The following DLGAP2 variants were observed in gnomAD, a reference collection of about 807,000 sequenced individuals.
DLGAP2 encodes the protein disks large-associated protein 2.
DLGAP2 carries 26 observed loss-of-function variants against 100.3 expected under a neutral mutation model. That is an observed-to-expected ratio of 0.26 (90% CI 0.19 to 0.36). The LOEUF (loss-of-function observed/expected upper bound fraction) is 0.36, where lower values mean the gene tolerates loss of function less well. Among genes scored for constraint, DLGAP2 ranks in the 10% least tolerant of loss-of-function variants. DLGAP2 has a pLI of 1.00. For missense variants in DLGAP2, 1,858 were observed against 1,453.2 expected (o/e 1.28, Z -4.53); for synonymous variants, 886 against 630.1 (o/e 1.41, Z -6.08).
chr8:866,348 G>C (rs980941961), intron 1 of DLGAP2, among the ~76,000 whole-genome samples: 2 of 152,310 alleles, frequency 1.3e-5, no homozygotes, highest in Admixed American at 6.5e-5. Context: ...GCTCTGTGTT[G>C]GAAGTCAGTG....
intron 1 of DLGAP2, among the ~76,000 whole-genome samples, chr8:809,150 C>G (rs1585887199): frequency 6.6e-6 from 1 of 152,130 alleles, no homozygotes; most frequent in African/African-American, 2.4e-5. Context: ...AGTGATCTGC[C>G]TGCCTTGGCC....
At chr8:1,472,027 A>G (rs1213009315) in intron 3 of DLGAP2, among the ~76,000 whole-genome samples, 1 of 152,264 alleles carries the variant, frequency 6.6e-6, no homozygotes, top group African/African-American at 2.4e-5. Flanking sequence ...CGTTAAGGAT[A>G]AAGCAGTGAG....
At chr8:1,317,497 G>C (rs1800785868) in intron 3 of DLGAP2, among the ~76,000 whole-genome samples, 1 of 141,520 alleles carries the variant, frequency 7.1e-6, no homozygotes, top group East Asian at 2.2e-4. Context: ...GTCTACACTC[G>C]AGACACTTGG....
intron 1 of DLGAP2, among the ~76,000 whole-genome samples, chr8:770,353 G>A (rs1277972467): frequency 6.6e-6 from 1 of 152,168 alleles, no homozygotes; most frequent in Non-Finnish European, 1.5e-5. Context: ...GGAGCACAGT[G>A]CCCTTCTGGG....
intron 9 of DLGAP2, 54 bp from the exon 10 acceptor site, chr8:1,669,689 G>C (rs955739780): frequency 1.3e-6 from 1 of 780,430 alleles, no homozygotes; most frequent in African/African-American, 1.7e-5. Context: ...GCCGCCCGCT[G>C]GTCCAGGGCC....
chr8:1,236,215 GCCGTGTCTAGTTCTCTCACATGGCA>G (rs1798649817), intron 2 of DLGAP2, among the ~76,000 whole-genome samples: 2 of 90,758 alleles, frequency 2.2e-5, no homozygotes, highest in African/African-American at 4.6e-5. Context: ...CTCACATGGC[GCCGTGTCTAGTTCTCTCACATGGCA>G]CCATGTCTAG....
intron 2 of DLGAP2, among the ~76,000 whole-genome samples, chr8:983,527 A>G (rs1031121965): frequency 3.3e-5 from 5 of 152,200 alleles, no homozygotes; most frequent in African/African-American, 1.2e-4. Context: ...TTCAAATTCC[A>G]CCTTCATCGT....
intron 1 of DLGAP2, among the ~76,000 whole-genome samples, chr8:869,035 C>T (rs1481394460): frequency 6.6e-6 from 1 of 152,226 alleles, no homozygotes; most frequent in Non-Finnish European, 1.5e-5. Flanking sequence ...TCTCCACAGG[C>T]GTCCTGAGTA....
At chr8:1,173,770 C>T (rs1383551781) in intron 2 of DLGAP2, among the ~76,000 whole-genome samples, 9 of 152,182 alleles carry the variant, frequency 5.9e-5, no homozygotes, top group Non-Finnish European at 1.3e-4. Flanking sequence ...CCCGATTTTC[C>T]AGGTGCCGTC....
At position 1,245,103 on chromosome 8, in the gene DLGAP2, G is replaced by A. The variant is rs75510672; in HGVS notation, c.74-13748G>A. 8.3e-3 allele frequency among the ~76,000 whole-genome samples: 1,270 copies of A among 152,320 alleles called. 26 individuals are homozygous for A. Among genetic ancestry groups the A allele is most frequent in the East Asian group, 0.057 (294 of 5,182 alleles). Reference sequence around the variant, plus strand: ...CAGAGACAGACAATCGTAAGTGCTGGCAAGATCCTGGAGAAACTGGAACCT... The same window carrying A: ...CAGAGACAGACAATCGTAAGTGCTGACAAGATCCTGGAGAAACTGGAACCT... On this transcript the variant is annotated intron_variant, in intron 2 of 14. Coordinates refer to ENST00000637795, the MANE Select transcript of DLGAP2 (RefSeq NM_001346810.2).
chr8:1,424,121 G>A lies in DLGAP2; in HGVS notation c.107-77245G>A, dbSNP rs117617939. On this transcript the variant is annotated intron_variant, in intron 3 of 14. Transcript: ENST00000637795. ...CATGAAGGTCCTTGTGAACTAAAGCGGGCTCCACATGGGTGAAGGAACACA... is the reference window on the plus strand; with the variant it reads ...CATGAAGGTCCTTGTGAACTAAAGCAGGCTCCACATGGGTGAAGGAACACA... 5.9e-5 allele frequency among the ~76,000 whole-genome samples: 9 copies of A among 152,330 alleles called. No homozygotes were observed. In the East Asian group the frequency reaches 7.7e-4, roughly 13 times the overall value.
At chr8:1,473,483 A>G (rs940991133) in intron 3 of DLGAP2, among the ~76,000 whole-genome samples, 2 of 152,192 alleles carry the variant, frequency 1.3e-5, no homozygotes, top group African/African-American at 2.4e-5. Context: ...TTGATTCTAC[A>G]CATATCACAT....
At chr8:779,061 C>T (rs943053610) in intron 1 of DLGAP2, among the ~76,000 whole-genome samples, 1 of 152,242 alleles carries the variant, frequency 6.6e-6, no homozygotes, top group Non-Finnish European at 1.5e-5. Flanking sequence ...TTTTCAAGCC[C>T]GTCAGAAAAG....
chr8:762,573 C>G (rs1821113472), intron 1 of DLGAP2, among the ~76,000 whole-genome samples: 1 of 152,112 alleles, frequency 6.6e-6, no homozygotes, highest in Non-Finnish European at 1.5e-5. Flanking sequence ...CTTTGCAGAG[C>G]TCTTCTGCTT....
chr8:808,857 C>T (rs1796317188), intron 1 of DLGAP2, among the ~76,000 whole-genome samples: 1 of 151,118 alleles, frequency 6.6e-6, no homozygotes, highest in South Asian at 2.1e-4. Context: ...ATATGTGACC[C>T]TTAGGTACTT....
At chr8:806,980 A>G (rs1796282916) in intron 1 of DLGAP2, among the ~76,000 whole-genome samples, 1 of 152,180 alleles carries the variant, frequency 6.6e-6, no homozygotes, top group Non-Finnish European at 1.5e-5. Flanking sequence ...CTGGGCATCT[A>G]ATAACACAAG....
At chr8:1,026,665 A>G (rs1464807159) in intron 2 of DLGAP2, among the ~76,000 whole-genome samples, 2 of 152,220 alleles carry the variant, frequency 1.3e-5, no homozygotes, top group Non-Finnish European at 2.9e-5. Context: ...GTAGACATTG[A>G]TTTTGTCATT....
chr8:1,069,133 G>C (rs1311931892), intron 2 of DLGAP2, among the ~76,000 whole-genome samples: 3 of 152,230 alleles, frequency 2.0e-5, no homozygotes, highest in Non-Finnish European at 2.9e-5. Flanking sequence ...TTTGTTGCTG[G>C]AAGAGTGATA....
Position 989,490 on chromosome 8 carries a change from G to A in DLGAP2, c.73+81524G>A, listed in dbSNP as rs543498552. ...GTCCTCTACATCTGGGGTTCCAGCT[G>A]CAGTCGACGGAAATACCAGGATGCA... On this transcript the variant is annotated intron_variant, in intron 2 of 14. Transcript: ENST00000637795. Among the ~76,000 whole-genome samples, 10 of 152,300 alleles carry A rather than the reference G, an allele frequency of 6.6e-5. 1 individual carries two copies. The South Asian group carries it at 2.1e-3, about 32-fold the overall frequency.
Sources: gnomAD v4.1 joint callset for allele counts (sites outside exome capture counted in the v4.1 genomes callset) on GRCh38, gnomAD v4.1.1 for gene constraint, MANE v1.5 for transcripts, NCBI Gene and HGNC (gene_info 2026-07-23, HGNC 2026-07-21) for gene names.